ADAM32: variants seen among roughly 807,000 people sequenced by gnomAD.
The protein encoded by ADAM32 is disintegrin and metalloproteinase domain-containing protein 32.
In ADAM32, 89 loss-of-function variants were observed where a neutral mutation model predicts 114.9. The observed-to-expected ratio is 0.77, with a 90% CI of 0.65 to 0.92. The LOEUF is 0.92. Among genes scored for constraint, ADAM32 ranks in the 40% least tolerant of loss-of-function variants. The pLI is 0.00. For synonymous variants in ADAM32, 285 were observed against 307.5 expected, an observed-to-expected ratio of 0.93 and a Z score of 0.77; for missense variants, 870 against 932.8, an observed-to-expected ratio of 0.93 and a Z score of 0.88.
intron 14 of ADAM32, among the ~76,000 whole-genome samples, chr8:39,226,717 C>T (rs80266844): frequency 0.029 from 4,435 of 151,908 alleles, 244 homozygotes; most frequent in African/African-American, 0.1. Flanking sequence ...CTAAGACAAA[C>T]AAAAGCTCAA....
intron 19 of ADAM32, among the ~76,000 whole-genome samples, chr8:39,266,474 T>C (rs1019027838): frequency 6.6e-6 from 1 of 152,224 alleles, no homozygotes; most frequent in Non-Finnish European, 1.5e-5. Context: ...TCAGTTGCTT[T>C]ATGAAATTCC....
Position 39,237,882 on chromosome 8 carries a change from G to T in ADAM32, c.1818+3800G>T, listed in dbSNP as rs535082862. 2.3e-3 allele frequency among the ~76,000 whole-genome samples: 356 copies of T among 152,276 alleles called. 2 individuals are homozygous for T. The highest frequency in any genetic ancestry group is 7.6e-3 in the African/African-American group (314 of 41,554). Reference sequence around the variant, plus strand: ...ACCTGAAAAACTTGAATACTTACCTGGGTGACCTTAGGGCAAGCTTGTATT... The same window carrying T: ...ACCTGAAAAACTTGAATACTTACCTTGGTGACCTTAGGGCAAGCTTGTATT... On this transcript the variant is annotated intron_variant, in intron 16 of 24. Coordinates refer to ENST00000379907, the MANE Select transcript of ADAM32 (RefSeq NM_145004.7).
Position 39,162,222 on chromosome 8 carries a change from C to T in ADAM32, c.594+1257C>T, listed in dbSNP as rs187567512. 5.7e-5 allele frequency among the ~76,000 whole-genome samples: 8 copies of T among 139,196 alleles called. No homozygotes were observed. The East Asian group carries it at 1.5e-3, about 26-fold the overall frequency. The allele number at this position is 139,196 out of a possible 152,430, so 91.3% of individuals were successfully genotyped here. A position where few individuals can be genotyped will look rare whatever the true frequency, so the allele number is the denominator to read the frequency against. On this transcript the variant is annotated intron_variant, in intron 7 of 24. Transcript: ENST00000379907. ...TCCCCTTCCTGTGTCCTAGTTTTCT[C>T]GTTGTTCAATTCCCACCTATGAGTG... is the stretch of plus-strand genomic sequence containing the variant.
chr8:39,240,712 T>A (rs1312189529), intron 16 of ADAM32, among the ~76,000 whole-genome samples: 1 of 152,106 alleles, frequency 6.6e-6, no homozygotes, highest in Non-Finnish European at 1.5e-5. Flanking sequence ...AACCATCAGA[T>A]CTTGTGAGAC....
chr8:39,174,964 A>G (rs1805430845), intron 10 of ADAM32, among the ~76,000 whole-genome samples: 2 of 152,062 alleles, frequency 1.3e-5, no homozygotes, highest in South Asian at 4.1e-4. Context: ...GTGGGAGTTC[A>G]TTCATGATTT....
chr8:39,213,855 T>G (rs1808385362), intron 12 of ADAM32, among the ~76,000 whole-genome samples: 1 of 152,114 alleles, frequency 6.6e-6, no homozygotes, highest in Non-Finnish European at 1.5e-5. Flanking sequence ...CTTCCCAGCC[T>G]CTGGTAACCA....
At chr8:39,227,958 G>A (rs923422863) in intron 14 of ADAM32, among the ~76,000 whole-genome samples, 2 of 152,176 alleles carry the variant, frequency 1.3e-5, no homozygotes, top group South Asian at 2.1e-4. Context: ...CAGAACAGTC[G>A]CTGGTATCCA....
At position 39,136,698 on chromosome 8, in the gene ADAM32, C is replaced by T. The variant is rs765997251; in HGVS notation, c.180C>T (p.Tyr60=). 3 of 1,537,214 alleles carry T rather than the reference C, an allele frequency of 2.0e-6. No homozygotes were observed. The South Asian group carries it at 3.8e-5, about 19-fold the overall frequency. ...SYIIPIDEKL[Y]TVHLKQRYFL... Reference sequence around the variant, plus strand: ...TTATTCCAATAGATGAGAAACTGTACACTGTGCACCTTAAACAAAGGTAAA... The same window carrying T: ...TTATTCCAATAGATGAGAAACTGTATACTGTGCACCTTAAACAAAGGTAAA... The change falls in exon 3 of 25, where the codon TAC becomes TAT. Residue 60 remains tyrosine, a synonymous_variant. Coordinates refer to ENST00000379907, the MANE Select transcript of ADAM32 (RefSeq NM_145004.7).
chr8:39,126,951 G>A (rs1368507619), intron 2 of ADAM32, among the ~76,000 whole-genome samples: 2 of 152,162 alleles, frequency 1.3e-5, no homozygotes, highest in African/African-American at 4.8e-5. Flanking sequence ...CTTTAGTTCT[G>A]TGTATGTGAT....
chr8:39,151,627 GC>G, intron 6 of ADAM32, 79 bp downstream of exon 6: 1 of 1,024,050 alleles, frequency 9.8e-7, no homozygotes, highest in Non-Finnish European at 1.3e-6. Context: ...AAATTTATAA[GC>G]CCACTGTAGA....
chr8:39,107,585 G>T, upstream of ADAM32: 2 of 1,407,498 alleles, frequency 1.4e-6, no homozygotes, highest in South Asian at 3.0e-5. Context: ...GGATGTTTTA[G>T]CCTCGGGGCG....
At chr8:39,262,010 T>G (rs4316117) in intron 19 of ADAM32, among the ~76,000 whole-genome samples, 2 of 152,062 alleles carry the variant, frequency 1.3e-5, no homozygotes, top group African/African-American at 4.8e-5. Context: ...CTATGCTGAT[T>G]GTTTCTTTTG....
At chr8:39,159,521 T>C (rs1020585706) in intron 6 of ADAM32, among the ~76,000 whole-genome samples, 3 of 152,218 alleles carry the variant, frequency 2.0e-5, no homozygotes, top group African/African-American at 7.2e-5. Flanking sequence ...TCCCAGTATA[T>C]GCCTGAGGTT....
At chr8:39,275,929 A>C in intron 22 of ADAM32, 63 bp downstream of exon 22, 1 of 1,419,170 alleles carries the variant, frequency 7.0e-7, no homozygotes. Context: ...GAGATGAACA[A>C]ATTGATAATT....
chr8:39,107,538 A>G (rs1839974174), upstream of ADAM32: 1 of 1,224,002 alleles, frequency 8.2e-7, no homozygotes, highest in Non-Finnish European at 1.1e-6. Flanking sequence ...CAGTGGCTCC[A>G]GCAACCACGC....
intron 16 of ADAM32, among the ~76,000 whole-genome samples, chr8:39,235,622 G>A (rs1810082970): frequency 6.6e-6 from 1 of 152,070 alleles, no homozygotes; most frequent in Non-Finnish European, 1.5e-5. Flanking sequence ...CAGAAATAAT[G>A]TGTAAAAACA....
chr8:39,185,876 T>C (rs1806203897), intron 10 of ADAM32, among the ~76,000 whole-genome samples: 1 of 145,350 alleles, frequency 6.9e-6, no homozygotes, highest in Admixed American at 7.0e-5. Flanking sequence ...CTATCGTCAT[T>C]AAAACTTTTT....
At chr8:39,243,320 C>T (rs550023607) in intron 16 of ADAM32, among the ~76,000 whole-genome samples, 18 of 151,868 alleles carry the variant, frequency 1.2e-4, no homozygotes, top group South Asian at 2.1e-4. Context: ...AACCAGGAAA[C>T]GAAAGAACAA....
At chr8:39,180,283 G>A (rs1805778025) in intron 10 of ADAM32, among the ~76,000 whole-genome samples, 1 of 152,210 alleles carries the variant, frequency 6.6e-6, no homozygotes, top group Non-Finnish European at 1.5e-5. Context: ...AGGGTGTACT[G>A]GGTCCCCCAG....
Sources: allele counts gnomAD v4.1 joint callset (sites outside exome capture counted in the v4.1 genomes callset), GRCh38; gene constraint gnomAD v4.1.1; transcripts MANE v1.5; gene names NCBI Gene and HGNC (gene_info 2026-07-23, HGNC 2026-07-21).